Variants in GPM6A observed in about 807,000 individuals in gnomAD.
GPM6A encodes the protein neuronal membrane glycoprotein M6-a.
In GPM6A, 7 loss-of-function variants were observed where a neutral mutation model predicts 32.1. That is an observed-to-expected ratio of 0.22 (90% CI 0.12 to 0.41). GPM6A has a LOEUF of 0.41. Ranked by LOEUF, GPM6A falls within the 10% of genes least tolerant of loss-of-function variation. The probability of loss-of-function intolerance (pLI) is 1.00; values close to 1 mark genes in which losing one functional copy is unlikely to be tolerated. For missense variants in GPM6A, 235 were observed against 347.2 expected (o/e 0.68, Z 2.57); for synonymous variants, 130 against 123.4 (o/e 1.05, Z -0.35).
chr4:175,813,015 C>T (rs1734989534), upstream of GPM6A: 1 of 984,340 alleles, frequency 1.0e-6, no homozygotes, highest in African/African-American at 1.7e-5. Flanking sequence ...GAGTATAAAG[C>T]TCTAAGCCTG....
intron 1 of GPM6A, among the ~76,000 whole-genome samples, chr4:175,728,031 G>A (rs892849801): frequency 1.3e-5 from 2 of 150,718 alleles, no homozygotes; most frequent in Non-Finnish European, 3.0e-5. Flanking sequence ...AAAACTTACC[G>A]GTTTTTCTAG....
chr4:175,999,193 T>C (rs185009832), intron 1 of GPM6A, among the ~76,000 whole-genome samples: 1 of 152,266 alleles, frequency 6.6e-6, no homozygotes, highest in Non-Finnish European at 1.5e-5. Flanking sequence ...CATAGTGATA[T>C]ACATGTAGTC....
chr4:175,967,881 C>G (rs889053815), intron 1 of GPM6A, among the ~76,000 whole-genome samples: 2 of 152,046 alleles, frequency 1.3e-5, no homozygotes, highest in Non-Finnish European at 2.9e-5. Flanking sequence ...CAATCTAAAT[C>G]TCAGCCAATT....
At chr4:175,895,060 G>A (rs370158134) in intron 1 of GPM6A, among the ~76,000 whole-genome samples, 44 of 152,212 alleles carry the variant, frequency 2.9e-4, no homozygotes, top group African/African-American at 1.0e-3. Flanking sequence ...CCCAGAATGC[G>A]ATAGAGTGAG....
At chr4:175,972,633 A>G (rs1740542800) in intron 1 of GPM6A, among the ~76,000 whole-genome samples, 1 of 152,176 alleles carries the variant, frequency 6.6e-6, no homozygotes, top group South Asian at 2.1e-4. Flanking sequence ...TTTAGAGAAC[A>G]TTCTTTGTTA....
intron 1 of GPM6A, among the ~76,000 whole-genome samples, chr4:175,772,206 T>C (rs927779741): frequency 3.3e-5 from 5 of 152,186 alleles, no homozygotes; most frequent in Non-Finnish European, 7.3e-5. Flanking sequence ...TCAATCACAA[T>C]TTATTATCAG....
intron 1 of GPM6A, among the ~76,000 whole-genome samples, chr4:175,736,114 C>A (rs1223666132): frequency 6.6e-6 from 1 of 152,132 alleles, no homozygotes; most frequent in African/African-American, 2.4e-5. Flanking sequence ...CAGTCTTGAA[C>A]TTCTGGGCTC....
At chr4:175,688,221 ATT>A (rs1418485561) in intron 2 of GPM6A, among the ~76,000 whole-genome samples, 4 of 151,912 alleles carry the variant, frequency 2.6e-5, no homozygotes, top group Non-Finnish European at 5.9e-5. Context: ...CTTGTCTATT[ATT>A]TTTGCTTTTG....
chr4:175,799,685 T>TTTTTTTTTTTTTTTG (rs1312154171), intron 1 of GPM6A, among the ~76,000 whole-genome samples: 1 of 136,582 alleles, frequency 7.3e-6, no homozygotes, highest in African/African-American at 2.6e-5. Flanking sequence ...TTTTTTTTTT[T>TTTTTTTTTTTTTTTG]GAGACGGAGT....
chr4:175,798,295 A>G (rs1299174173), intron 1 of GPM6A, among the ~76,000 whole-genome samples: 1 of 152,194 alleles, frequency 6.6e-6, no homozygotes, highest in Non-Finnish European at 1.5e-5. Flanking sequence ...ATAACTTTTA[A>G]TGAAGCTGAG....
At chr4:175,919,047 G>A (rs894821629) in intron 1 of GPM6A, among the ~76,000 whole-genome samples, 2 of 152,022 alleles carry the variant, frequency 1.3e-5, no homozygotes, top group African/African-American at 4.8e-5. Flanking sequence ...TAGGGAATGT[G>A]GGAAAATTGC....
At chr4:175,693,686 C>T (rs115742140) in intron 2 of GPM6A, among the ~76,000 whole-genome samples, 1 of 152,072 alleles carries the variant, frequency 6.6e-6, no homozygotes, top group African/African-American at 2.4e-5. Context: ...AAGAACAAAG[C>T]AAGTTTTCTT....
intron 1 of GPM6A, among the ~76,000 whole-genome samples, chr4:175,761,324 C>T (rs1487938704): frequency 6.6e-6 from 1 of 152,126 alleles, no homozygotes; most frequent in African/African-American, 2.4e-5. Context: ...AAACTCCTTA[C>T]CTCATGATCT....
In GPM6A at chr4:175,725,319, T is replaced by A. The variant is rs2581751; in HGVS notation, c.38-23552A>T. On this transcript the variant is annotated intron_variant, in intron 1 of 6. Coordinates refer to ENST00000393658, the MANE Select transcript of GPM6A (RefSeq NM_201591.3). ...TGTTTTTTTTTTTTTTGCAACAGAG[T>A]CTTGCTCTGTCACCCAGGCTGGAGT... Among the ~76,000 whole-genome samples, 1,181 of 147,682 alleles carry A rather than the reference T, an allele frequency of 8.0e-3. 13 individuals carry two copies. Among genetic ancestry groups the A allele is most frequent in the African/African-American group, 0.028 (1,121 of 39,948 alleles).
chr4:175,644,123 T>G (rs1162824967), intron 4 of GPM6A, among the ~76,000 whole-genome samples: 2 of 141,820 alleles, frequency 1.4e-5, no homozygotes, highest in Admixed American at 1.4e-4. Flanking sequence ...TTCCGTTTGT[T>G]TTTTTTTTTT....
chr4:175,797,532 C>T (rs1487949338), intron 1 of GPM6A, among the ~76,000 whole-genome samples: 1 of 152,044 alleles, frequency 6.6e-6, no homozygotes, highest in Admixed American at 6.6e-5. Context: ...TTTTCAATAA[C>T]CGTAGGCCAT....
chr4:175,892,456 C>T lies in GPM6A; in HGVS notation c.-22-80207G>A, dbSNP rs116047536. ...AACTATTTCATGAATTCGTAAGCAG[C>T]CCCAACTGGAGTAATGGTCACTACT... On this transcript the variant is annotated intron_variant, in intron 1 of 7. Transcript: ENST00000280187. 3.6e-3 allele frequency among the ~76,000 whole-genome samples: 551 copies of T among 152,258 alleles called. 3 individuals are homozygous for T. Among genetic ancestry groups the T allele is most frequent in the African/African-American group, 0.013 (528 of 41,552 alleles).
At chr4:175,911,436 T>C (rs1169058086) in intron 1 of GPM6A, among the ~76,000 whole-genome samples, 1 of 152,218 alleles carries the variant, frequency 6.6e-6, no homozygotes, top group Non-Finnish European at 1.5e-5. Flanking sequence ...ATGTTAGCTA[T>C]TATCCCCTGC....
chr4:175,707,316 A>G (rs1419021479), intron 1 of GPM6A, among the ~76,000 whole-genome samples: 1 of 152,180 alleles, frequency 6.6e-6, no homozygotes, highest in East Asian at 1.9e-4. Flanking sequence ...GGCCAATACC[A>G]CACTGCCTTA....
Sources: gnomAD v4.1 joint callset for allele counts (sites outside exome capture counted in the v4.1 genomes callset) on GRCh38, gnomAD v4.1.1 for gene constraint, MANE v1.5 for transcripts, NCBI Gene and HGNC (gene_info 2026-07-23, HGNC 2026-07-21) for gene names.